The following RXFP2 variants were observed in gnomAD, a reference collection of about 807,000 sequenced individuals.
RXFP2 encodes the protein relaxin family peptide receptor 2.
RXFP2 carries 68 observed loss-of-function variants against 88.6 expected under a neutral mutation model. The ratio of observed to expected loss-of-function variants is 0.77; its 90% confidence interval spans 0.63 to 0.94. The LOEUF is 0.94. Ranked by LOEUF, RXFP2 falls within the 40% of genes least tolerant of loss-of-function variation. The pLI is 0.00. For missense variants in RXFP2, 791 were observed against 893.9 expected, an observed-to-expected ratio of 0.88 and a Z score of 1.47; for synonymous variants, 329 against 306.8, an observed-to-expected ratio of 1.07 and a Z score of -0.76.
At chr13:31,771,297 A>C (rs891265284) in intron 5 of RXFP2, among the ~76,000 whole-genome samples, 4 of 152,248 alleles carry the variant, frequency 2.6e-5, no homozygotes, top group African/African-American at 9.6e-5. Flanking sequence ...GCTGCACAGC[A>C]GGAGGTGAGT....
rs1481467394 is a variant in RXFP2 at position 31,752,211 on chromosome 13, A to G, written c.95-6047A>G. Among the ~76,000 whole-genome samples the G allele has an allele frequency of 4.6e-5, 7 of 152,152 alleles. No homozygotes were observed. The East Asian group carries it at 1.2e-3, about 25-fold the overall frequency. ...ACTCTGTTCCACAAAGTTAGGCAGC[A>G]TTTCCCCAAATCTGTCTTTCAAACA... On this transcript the variant is annotated intron_variant, in intron 1 of 17. Coordinates refer to ENST00000298386, the MANE Select transcript of RXFP2 (RefSeq NM_130806.5).
intron 4 of RXFP2, 123 bp downstream of exon 4, chr13:31,765,265 A>T: frequency 1.5e-6 from 1 of 676,908 alleles, no homozygotes; most frequent in African/African-American, 1.8e-5. Flanking sequence ...ACTACCAGTC[A>T]TCAGAGAATT....
intron 5 of RXFP2, among the ~76,000 whole-genome samples, chr13:31,766,245 A>G (rs568889157): frequency 6.6e-6 from 1 of 152,298 alleles, no homozygotes; most frequent in African/African-American, 2.4e-5. Flanking sequence ...TTTTCAGAGA[A>G]TTAACTTGGA....
At chr13:31,765,216 T>C (rs1872496896) in intron 4 of RXFP2, 74 bp downstream of exon 4, 1 of 872,662 alleles carries the variant, frequency 1.1e-6, no homozygotes, top group Admixed American at 1.8e-5. Context: ...CCAATAGTGT[T>C]GCTTGTGCAT....
At position 31,781,656 on chromosome 13, in the gene RXFP2, C is replaced by T. The variant is rs780662761; in HGVS notation, c.786-15C>T. On this transcript the variant is annotated splice_polypyrimidine_tract_variant and intron_variant, in intron 9 of 17. Transcript: ENST00000298386. ...ACAAAAAATATTAAAAATATCTTTC[C>T]TCCATGACTTCCAGGGATTTGGAAG... is the stretch of plus-strand genomic sequence containing the variant. The T allele has an allele frequency of 3.8e-6, 6 of 1,575,048 alleles. No homozygotes were observed. Among genetic ancestry groups the T allele is most frequent in the Non-Finnish European group, 4.4e-6 (5 of 1,145,398 alleles).
chr13:31,769,806 A>T (rs1356797516), intron 5 of RXFP2, among the ~76,000 whole-genome samples: 1 of 152,114 alleles, frequency 6.6e-6, no homozygotes, highest in East Asian at 1.9e-4. Flanking sequence ...CCTTAAATAC[A>T]TCCCTAGTCA....
At chr13:31,771,070 C>T (rs1482802746) in intron 5 of RXFP2, among the ~76,000 whole-genome samples, 2 of 152,122 alleles carry the variant, frequency 1.3e-5, no homozygotes, top group Non-Finnish European at 2.9e-5. Flanking sequence ...GAGCGTATGC[C>T]GGAGAGGTCA....
chr13:31,795,805 C>A (rs942611393), intron 16 of RXFP2, among the ~76,000 whole-genome samples: 2 of 151,856 alleles, frequency 1.3e-5, no homozygotes, highest in Admixed American at 6.6e-5. Context: ...TTAGCGACAG[C>A]AAGAATAAAG....
chr13:31,747,283 T>C (rs941434607), intron 1 of RXFP2, among the ~76,000 whole-genome samples: 2 of 152,044 alleles, frequency 1.3e-5, no homozygotes, highest in Non-Finnish European at 2.9e-5. Flanking sequence ...GCTGAAAAAT[T>C]AAGAGAGGCC....
At chr13:31,743,495 T>C (rs1005604736) in intron 1 of RXFP2, among the ~76,000 whole-genome samples, 3 of 151,930 alleles carry the variant, frequency 2.0e-5, no homozygotes, top group Non-Finnish European at 4.4e-5. Context: ...AATTAAAGAA[T>C]TGCGATTGAA....
At chr13:31,760,030 G>C (rs1333324937) in intron 2 of RXFP2, among the ~76,000 whole-genome samples, 2 of 152,164 alleles carry the variant, frequency 1.3e-5, no homozygotes, top group Non-Finnish European at 2.9e-5. Context: ...GGGTGTATCT[G>C]TATGCTGCAC....
rs1025089952 is a variant in RXFP2 at position 31,792,544 on chromosome 13, A to G, written c.1376-134A>G. ...CGCTTCTTGGTACTCAGATGTTTAC[A>G]TTAGTTCATTTGATATAAGATGAAA... is the stretch of plus-strand genomic sequence containing the variant. On this transcript the variant is annotated intron_variant, in intron 15 of 17. Coordinates refer to ENST00000298386, the MANE Select transcript of RXFP2 (RefSeq NM_130806.5). 13 of 829,066 alleles carry G rather than the reference A, an allele frequency of 1.6e-5. No individual in the cohort carries two copies. In the African/African-American group the frequency reaches 1.9e-4, roughly 12 times the overall value. The allele number at this position is 829,066 out of a possible 1,614,324, so 51.4% of individuals were successfully genotyped here.
At chr13:31,743,163 G>T (rs1282968270) in intron 1 of RXFP2, among the ~76,000 whole-genome samples, 3 of 152,192 alleles carry the variant, frequency 2.0e-5, no homozygotes, top group African/African-American at 7.2e-5. Flanking sequence ...ACTTTTGAGT[G>T]TTTTAAGATG....
intron 1 of RXFP2, among the ~76,000 whole-genome samples, chr13:31,750,796 C>G (rs551279062): frequency 3.3e-5 from 5 of 152,226 alleles, no homozygotes; most frequent in African/African-American, 1.2e-4. Flanking sequence ...GCAGCAAGGT[C>G]AAGATGGAAG....
intron 1 of RXFP2, among the ~76,000 whole-genome samples, chr13:31,752,822 T>A (rs1228670775): frequency 6.6e-6 from 1 of 152,054 alleles, no homozygotes; most frequent in Non-Finnish European, 1.5e-5. Context: ...AGCCCCTGAG[T>A]TCTTGGTAGT....
intron 10 of RXFP2, 150 bp from the exon 11 acceptor site, chr13:31,782,526 C>T: frequency 1.5e-6 from 1 of 678,950 alleles, no homozygotes; most frequent in Non-Finnish European, 2.7e-6. Flanking sequence ...GTGAAAAAGT[C>T]CTGCCTTAGT....
chr13:31,802,355 G>T lies in RXFP2; in HGVS notation c.2215G>T (p.Val739Phe), dbSNP rs1278161433. Residue 739 changes from valine (V) to phenylalanine (F), a missense_variant, in exon 18 of 18, where the codon GTT (valine) becomes TTT (phenylalanine). By Grantham distance (50) the Val-to-Phe change is conservative. Coordinates refer to ENST00000298386, the MANE Select transcript of RXFP2 (RefSeq NM_130806.5). ...GGACTCCTCTTCCCTGAAACTTGGG[G>T]TTTTGAACAAAATAACACTTGGAGA... is the stretch of plus-strand genomic sequence containing the variant. ...IEDSSSLKLG[V>F]LNKITLGDSI... The T allele has an allele frequency of 2.5e-6, 4 of 1,613,952 alleles. No individual in the cohort carries two copies. In the Admixed American group the frequency reaches 6.7e-5, roughly 27 times the overall value.
chr13:31,785,304 C>T (rs1593466523), intron 11 of RXFP2, among the ~76,000 whole-genome samples: 1 of 152,078 alleles, frequency 6.6e-6, no homozygotes, highest in East Asian at 1.9e-4. Context: ...CGTCCTCTAC[C>T]TCTCCCTACA....
Position 31,739,692 on chromosome 13 carries a change from T to A in RXFP2, c.80T>A (p.Leu27Gln). ...TTCTTTCTACTTCATTTCATCGTTC[T>A]GATCAATGTCAAAGGTAAGGTTGCT... The part of the protein sequence containing the change: ...TMFFLLHFIV[L>Q]INVKDFALTQ... Residue 27 changes from leucine to glutamine, a missense_variant, in exon 1 of 18, where the codon CTG becomes CAG. Transcript: ENST00000298386. 1.2e-6 allele frequency: 2 copies of A among 1,602,656 alleles called. No individual in the cohort carries two copies. The highest frequency in any genetic ancestry group is 1.7e-6 in the Non-Finnish European group (2 of 1,169,588).
Sources: allele counts gnomAD v4.1 joint callset (sites outside exome capture counted in the v4.1 genomes callset), GRCh38; gene constraint gnomAD v4.1.1; transcripts MANE v1.5; gene names NCBI Gene and HGNC (gene_info 2026-07-23, HGNC 2026-07-21).